The following MAP3K15 variants were observed in gnomAD, a reference collection of about 807,000 sequenced individuals.
MAP3K15 encodes the protein mitogen-activated protein kinase kinase kinase 15.
Under a neutral mutation model 99.5 loss-of-function variants are expected in MAP3K15, and 124 were observed. The ratio of observed to expected loss-of-function variants is 1.25; its 90% CI spans 1.08 to 1.45. MAP3K15 has a LOEUF of 1.45. Ranked by LOEUF, MAP3K15 falls within the 40% of genes most tolerant of loss-of-function variation. The pLI, the probability that MAP3K15 is intolerant of heterozygous loss-of-function variation, is 0.00. For missense variants in MAP3K15, 1,242 were observed against 1,079.7 expected (o/e 1.15, Z -2.11); for synonymous variants, 494 against 439.6 (o/e 1.12, Z -1.55).
At chrX:19,506,893 C>A (rs1029277191) in intron 1 of MAP3K15, among the ~76,000 whole-genome samples, 1 of 112,137 alleles carries the variant, frequency 8.9e-6, no homozygotes, top group South Asian at 3.6e-4. Flanking sequence ...CAATACTTCA[C>A]AACTTTTAAG....
intron 19 of MAP3K15, 112 bp from the exon 20 acceptor site, chrX:19,374,772 C>G: frequency 1.5e-6 from 1 of 662,186 alleles, no homozygotes; most frequent in Non-Finnish European, 2.3e-6. Context: ...CAGGCATAAT[C>G]CATGCCCCCT....
At chrX:19,511,723 G>A (rs1264220426) in intron 1 of MAP3K15, among the ~76,000 whole-genome samples, 1 of 112,127 alleles carries the variant, frequency 8.9e-6, no homozygotes, top group African/African-American at 3.2e-5. Context: ...GTTGGTGGGA[G>A]TGTGAATTAG....
chrX:19,445,160 C>T (rs1212251160), intron 6 of MAP3K15, among the ~76,000 whole-genome samples: 2 of 111,332 alleles, frequency 1.8e-5, no homozygotes, highest in Non-Finnish European at 3.8e-5. Flanking sequence ...TATCTCATTT[C>T]CCTGTCTCCC....
intron 8 of MAP3K15, 80 bp downstream of exon 8, chrX:19,426,151 T>C: frequency 4.1e-6 from 2 of 492,972 alleles, no homozygotes; most frequent in Non-Finnish European, 6.4e-6. Context: ...AATGATATAA[T>C]GCTAGTTATT....
At chrX:19,416,258 G>C (rs1215402042) in intron 9 of MAP3K15, among the ~76,000 whole-genome samples, 1 of 110,946 alleles carries the variant, frequency 9.0e-6, no homozygotes, top group Non-Finnish European at 1.9e-5. Flanking sequence ...TTGAAGCTGA[G>C]AGACGGAGGT....
In MAP3K15 at chrX:19,373,098, A is replaced by AAGGAGAGGTGAGGG. The variant is rs747857899; in HGVS notation, c.2934-285_2934-272dup. The AAGGAGAGGTGAGGG allele has an allele frequency of 7.5e-5, 17 of 227,066 alleles. No individual in the cohort carries two copies. In the East Asian group the frequency reaches 1.2e-3, roughly 16 times the overall value. The allele number at this position is 227,066 out of a possible 1,213,427, so 18.7% of individuals were successfully genotyped here. On this transcript the variant is annotated intron_variant, in intron 21 of 28. Coordinates refer to ENST00000338883, the MANE Select transcript of MAP3K15 (RefSeq NM_001001671.4). Reference sequence around the variant, plus strand: ...GAGGGAGGGAAGGGGGCAAGCACAGAAGGAGAGGTGAGGGAGGGAAGGTGA... The same window carrying AAGGAGAGGTGAGGG: ...GAGGGAGGGAAGGGGGCAAGCACAGAAGGAGAGGTGAGGGAGGAGAGGTGAGGGAGGGAAGGTGA...
intron 1 of MAP3K15, among the ~76,000 whole-genome samples, chrX:19,490,336 C>T (rs191246018): frequency 1.5e-3 from 163 of 111,545 alleles, no homozygotes; most frequent in African/African-American, 5.0e-3. Context: ...CATACGTTTT[C>T]GCTTCTGTAT....
intron 1 of MAP3K15, among the ~76,000 whole-genome samples, chrX:19,495,870 C>T (rs1336536346): frequency 9.0e-6 from 1 of 110,946 alleles, no homozygotes; most frequent in Non-Finnish European, 1.9e-5. Flanking sequence ...GCAAGAGGAT[C>T]GCTTGAGCCC....
chrX:19,478,758 GGT>G (rs1491225198), intron 3 of MAP3K15, among the ~76,000 whole-genome samples: 2 of 10,498 alleles, frequency 1.9e-4, no homozygotes, highest in East Asian at 4.7e-3. Flanking sequence ...TTTTTAATAA[GGT>G]TTTTTTTTTT....
Position 19,392,402 on chromosome X carries a change from G to C in MAP3K15, c.2266C>G (p.Gln756Glu), listed in dbSNP as rs747619359. 8.3e-7 allele frequency: 1 copy of C among 1,210,475 alleles called. No homozygotes were observed. The highest frequency in any genetic ancestry group is 1.1e-6 in the Non-Finnish European group (1 of 894,393). The stretch of plus-strand genomic sequence containing the variant: ...AGATACTTAAGGCCCTCCAGGATCT[G>C]TTTGGTGTAAAACTTGATTGTCGGT... Reference protein sequence around the residue: ...KEPTIKFYTKQILEGLKYLHE... With the variant: ...KEPTIKFYTKEILEGLKYLHE... The change falls in exon 17 of 29, where the codon CAG becomes GAG. Residue 756 changes from glutamine (Q) to glutamate (E), a missense_variant. By Grantham distance (29) the Gln-to-Glu change is conservative. Transcript: ENST00000338883.
chrX:19,494,453 C>T (rs1239611785), intron 1 of MAP3K15, among the ~76,000 whole-genome samples: 2 of 112,042 alleles, frequency 1.8e-5, no homozygotes, highest in Non-Finnish European at 3.8e-5. Flanking sequence ...CCTTGAAACA[C>T]GCTAGTGTTA....
At chrX:19,448,256 G>C (rs1258210673) in intron 6 of MAP3K15, among the ~76,000 whole-genome samples, 1 of 109,268 alleles carries the variant, frequency 9.2e-6, no homozygotes, top group Non-Finnish European at 1.9e-5. Context: ...GGCCCTGGTA[G>C]CAACTTACAT....
intron 1 of MAP3K15, among the ~76,000 whole-genome samples, chrX:19,492,945 T>C (rs1162150679): frequency 9.0e-6 from 1 of 111,474 alleles, no homozygotes; most frequent in African/African-American, 3.3e-5. Flanking sequence ...CCAGCCTGGA[T>C]GACAAGAGCG....
chrX:19,457,082 A>T, intron 5 of MAP3K15, 63 bp from the exon 6 acceptor site: 1 of 832,269 alleles, frequency 1.2e-6, no homozygotes, highest in Non-Finnish European at 1.7e-6. Flanking sequence ...GATTTTTCTG[A>T]ATTGTTATAA....
intron 1 of MAP3K15, among the ~76,000 whole-genome samples, chrX:19,505,740 CTCTTT>C (rs1371313457): frequency 3.2e-4 from 35 of 108,384 alleles, no homozygotes; most frequent in Non-Finnish European, 6.5e-4. Context: ...GAGCATAAAT[CTCTTT>C]TCTTTTTTTT....
intron 23 of MAP3K15, 105 bp from the exon 24 acceptor site, chrX:19,371,169 C>T: frequency 5.1e-6 from 4 of 777,372 alleles, no homozygotes; most frequent in East Asian, 3.5e-5. Context: ...TCTTGGGGGC[C>T]GCATGCAATC....
intron 3 of MAP3K15, among the ~76,000 whole-genome samples, chrX:19,470,967 AG>A (rs780414089): frequency 1.8e-5 from 2 of 111,593 alleles, no homozygotes; most frequent in African/African-American, 3.3e-5. Context: ...AAAAAAAAGG[AG>A]GGGGGGTAGG....
At chrX:19,376,096 G>A (rs1205089528) in intron 19 of MAP3K15, among the ~76,000 whole-genome samples, 2 of 111,776 alleles carry the variant, frequency 1.8e-5, no homozygotes, top group Non-Finnish European at 3.8e-5. Flanking sequence ...AATGACACCC[G>A]GCTGGGATGT....
intron 10 of MAP3K15, 64 bp downstream of exon 10, chrX:19,415,043 T>C (rs1407290359): frequency 6.1e-6 from 6 of 990,401 alleles, no homozygotes; most frequent in South Asian, 2.5e-5. Flanking sequence ...ATTCAATAGT[T>C]AAATAGCACC....
Sources: gnomAD v4.1 joint callset for allele counts (sites outside exome capture counted in the v4.1 genomes callset) on GRCh38, gnomAD v4.1.1 for gene constraint, MANE v1.5 for transcripts, NCBI Gene and HGNC (gene_info 2026-07-23, HGNC 2026-07-21) for gene names.